Variants in ADGRL1 observed in about 807,000 individuals in gnomAD.
The protein encoded by ADGRL1 is CIRL-1.
In ADGRL1, 31 loss-of-function variants were observed where a neutral mutation model predicts 148.9. That is an observed-to-expected ratio of 0.21 (90% CI 0.16 to 0.28). The LOEUF (loss-of-function observed/expected upper bound fraction) is 0.28. Among genes scored for constraint, ADGRL1 ranks in the 10% least tolerant of loss-of-function variants. ADGRL1 has a pLI of 1.00. For missense variants in ADGRL1, 1,521 were observed against 2,058.8 expected, an observed-to-expected ratio of 0.74 and a Z score of 5.05; for synonymous variants, 937 against 900.3, an observed-to-expected ratio of 1.04 and a Z score of -0.73.
rs772573590 is a variant in ADGRL1, at chr19:14,161,675, C to A, written c.1196-49G>T. On this transcript the variant is annotated intron_variant, in intron 5 of 22. Transcript: ENST00000361434. This position sits in a 1 kb window ranked among gnomAD's most constrained non-coding sequence, Gnocchi z 4.4. ...GTCATCCCCATGCTCAGGGCCATGC[C>A]ACAGTGTGCTTGGGCAGGGGGTCCC... 7 of 1,279,822 alleles carry A rather than the reference C, an allele frequency of 5.5e-6. No individual in the cohort carries two copies. The South Asian group carries it at 8.6e-5, about 16-fold the overall frequency. The allele number at this position is 1,279,822 out of a possible 1,614,324, so 79.3% of individuals were successfully genotyped here. A position where few individuals can be genotyped will look rare whatever the true frequency, so the allele number is the denominator to read the frequency against.
In ADGRL1 at chr19:14,161,300, C is replaced by G. The variant is rs1969344553; in HGVS notation, c.1510+12G>C. On this transcript the variant is annotated intron_variant, in intron 6 of 22. Coordinates refer to ENST00000361434, the MANE Select transcript of ADGRL1 (RefSeq NM_014921.5). This position sits in a 1 kb window ranked among gnomAD's most constrained non-coding sequence, Gnocchi z 4.4. ...CCCCCATCCCTCCCCTGGCTGCAGC[C>G]TCTGTACTCACCTCGAGTCCCCTTG... The G allele has an allele frequency of 6.4e-7, 1 of 1,567,258 alleles. No individual in the cohort carries two copies. The highest frequency in any genetic ancestry group is 1.4e-5 in the African/African-American group (1 of 72,660).
intron 1 of ADGRL1, among the ~76,000 whole-genome samples, chr19:14,196,513 G>A (rs984749127): frequency 1.3e-5 from 2 of 152,138 alleles, no homozygotes; most frequent in South Asian, 2.1e-4. Context: ...CCAGCTCCTC[G>A]GGAGGCTTAG....
At position 14,206,159 on chromosome 19, in the gene ADGRL1, C is replaced by A. The variant is rs1972997430; in HGVS notation, c.-270G>T. On this transcript the variant is annotated 5_prime_UTR_variant, in exon 1 of 23. Transcript: ENST00000361434. ...TCCCCTGGCCCAGCACCGCCGCCGA[C>A]CAAAAATTAGGAAAAAAAAAAAAAA... 3 of 147,840 alleles carry A rather than the reference C, an allele frequency of 2.0e-5. No homozygotes were observed. The highest frequency in any genetic ancestry group is 4.5e-5 in the Non-Finnish European group (3 of 67,080). 9.2% of individuals were successfully genotyped at this position (147,840 alleles called of 1,614,324 possible). A position where few individuals can be genotyped will look rare whatever the true frequency, so the allele number is the denominator to read the frequency against.
At chr19:14,195,390 G>A (rs1048024195) in intron 1 of ADGRL1, among the ~76,000 whole-genome samples, 1 of 150,664 alleles carries the variant, frequency 6.6e-6, no homozygotes, top group East Asian at 2.0e-4. Context: ...GAGAGGGGGC[G>A]CCTCTAGCCT....
chr19:14,185,539 C>A (rs1971528851), intron 1 of ADGRL1, among the ~76,000 whole-genome samples: 1 of 152,132 alleles, frequency 6.6e-6, no homozygotes, highest in South Asian at 2.1e-4. Flanking sequence ...AATGATCCTC[C>A]CACCTCAGTC....
intron 4 of ADGRL1, among the ~76,000 whole-genome samples, chr19:14,167,916 G>A (rs907706041): frequency 3.3e-5 from 5 of 152,168 alleles, no homozygotes; most frequent in Admixed American, 6.5e-5. Context: ...CGCCCTGCCC[G>A]CTGCCCTGCG....
Position 14,170,760 on chromosome 19 carries a change from C to A in ADGRL1, c.316G>T (p.Ala106Ser). The change falls in exon 4 of 23, where the codon GCC (alanine) becomes TCC (serine). Residue 106 changes from alanine (A) to serine (S), a missense_variant. Ala to Ser is a moderately conservative substitution (Grantham distance 99). Around this residue, in one of 8 missense-constraint regions of ADGRL1, gnomAD observed 334 missense variants for 512.5 expected, o/e 0.65. Coordinates refer to ENST00000361434, the MANE Select transcript of ADGRL1 (RefSeq NM_014921.5). Reference sequence around the variant, plus strand: ...GGGTCAGGAAAGGCATCCGAGCCGGCGACCACCACGCACTGGGTGCGGTTG... The same window carrying A: ...GGGTCAGGAAAGGCATCCGAGCCGGAGACCACCACGCACTGGGTGCGGTTG... The part of the protein sequence containing the change: ...CNNRTQCVVV[A>S]GSDAFPDPCP... The A allele has an allele frequency of 1.2e-6, 2 of 1,610,882 alleles. No individual in the cohort carries two copies. The highest frequency in any genetic ancestry group is 1.7e-6 in the Non-Finnish European group (2 of 1,177,700).
Position 14,161,747 on chromosome 19 carries a change from CG to C in ADGRL1, c.1196-122del, listed in dbSNP as rs2144736788. 3 of 696,934 alleles carry C rather than the reference CG, an allele frequency of 4.3e-6. No individual in the cohort carries two copies. In the East Asian group the frequency reaches 1.0e-4, roughly 24 times the overall value. The allele number at this position is 696,934 out of a possible 1,614,324, so 43.2% of individuals were successfully genotyped here. On this transcript the variant is annotated intron_variant, in intron 5 of 22. Coordinates refer to ENST00000361434, the MANE Select transcript of ADGRL1 (RefSeq NM_014921.5). This position sits in a 1 kb window ranked among gnomAD's most constrained non-coding sequence, Gnocchi z 4.4. Reference sequence around the variant, plus strand: ...CATCTACTGAAGTGGAAACACGTGCCGGGCCCCACTGGGTCTATGAGTTGAT... The same window carrying C: ...CATCTACTGAAGTGGAAACACGTGCCGGCCCCACTGGGTCTATGAGTTGAT...
In ADGRL1 at chr19:14,152,275, T is replaced by C. The variant is rs534043165; in HGVS notation, c.3649+34A>G. The C allele has an allele frequency of 1.3e-5, 21 of 1,608,262 alleles. No individual in the cohort carries two copies. The South Asian group carries it at 2.3e-4, about 18-fold the overall frequency. On this transcript the variant is annotated intron_variant, in intron 21 of 22. Transcript: ENST00000361434. This position sits in a 1 kb window ranked among gnomAD's most constrained non-coding sequence, Gnocchi z 6.1. ...GTCCCTTGGGACACAAACCCTCCAT[T>C]TCCCAACCTGGGATGTTTCCCCCGT...
rs879340527 is a variant in ADGRL1 at position 14,204,744 on chromosome 19, GAC to G, written c.-96+1239_-96+1240del. On this transcript the variant is annotated intron_variant, in intron 1 of 22. Coordinates refer to ENST00000361434, the MANE Select transcript of ADGRL1 (RefSeq NM_014921.5). ...AGAGAGAGAGAGAGAGAGAGAGACA[GAC>G]AGAGAGAGAGAGAGCGCGCGAGCCA... is the stretch of plus-strand genomic sequence containing the variant. Among the ~76,000 whole-genome samples the G allele has an allele frequency of 5.4e-3, 812 of 149,998 alleles. 22 individuals carry two copies. The highest frequency in any genetic ancestry group is 0.041 in the Admixed American group (612 of 15,076).
rs1969392858 is a variant in ADGRL1, at chr19:14,161,641, C to CAGGGTCATCCCCATGGATG, written c.1196-16_1196-15insCATCCATGGGGATGACCCT. On this transcript the variant is annotated splice_polypyrimidine_tract_variant and intron_variant, in intron 5 of 22. Transcript: ENST00000361434. The surrounding 1 kb of genome is among the most constrained non-coding windows in gnomAD (Gnocchi z 4.4). The stretch of plus-strand genomic sequence containing the variant: ...AGTGGCTGGGCCTGGAGAGGGGATA[C>CAGGGTCATCCCCATGGATG]GAGACAGGGTCATCCCCATGCTCAG... 2.9e-6 allele frequency: 4 copies of CAGGGTCATCCCCATGGATG among 1,388,890 alleles called. No individual in the cohort carries two copies. Among genetic ancestry groups the CAGGGTCATCCCCATGGATG allele is most frequent in the Non-Finnish European group, 3.7e-6 (4 of 1,075,260 alleles). The allele number at this position is 1,388,890 out of a possible 1,614,324, so 86.0% of individuals were successfully genotyped here.
chr19:14,191,710 T>C (rs1290038527), intron 1 of ADGRL1, among the ~76,000 whole-genome samples: 1 of 151,922 alleles, frequency 6.6e-6, no homozygotes, highest in Non-Finnish European at 1.5e-5. Context: ...TTTTTTTTTT[T>C]TCTGAGACAA....
In ADGRL1 at chr19:14,183,651, G is replaced by C; in HGVS notation, c.-49C>G. On this transcript the variant is annotated 5_prime_UTR_variant, in exon 2 of 23. Coordinates refer to ENST00000361434, the MANE Select transcript of ADGRL1 (RefSeq NM_014921.5). ...GAGCTCTCAGTGGCCTGTGCGGGGG[G>C]CTTTGCCCCACATCACCTGGCAGGC... is the stretch of plus-strand genomic sequence containing the variant. 4 of 1,498,112 alleles carry C rather than the reference G, an allele frequency of 2.7e-6. No individual in the cohort carries two copies. Among genetic ancestry groups the C allele is most frequent in the East Asian group, 2.5e-5 (1 of 40,198 alleles). The allele number at this position is 1,498,112 out of a possible 1,614,324, so 92.8% of individuals were successfully genotyped here.
rs753291305 is a variant in ADGRL1 at position 14,159,066 on chromosome 19, C to G, written c.2149+24G>C. ...GTGGGGGTGGGGCTGCTTCCCCACC[C>G]GAGGCCCCGCCGGGGACACTGACCA... On this transcript the variant is annotated intron_variant, in intron 11 of 22. Coordinates refer to ENST00000361434, the MANE Select transcript of ADGRL1 (RefSeq NM_014921.5). This position sits in a 1 kb window ranked among gnomAD's most constrained non-coding sequence, Gnocchi z 6.0. The G allele has an allele frequency of 3.7e-6, 6 of 1,612,248 alleles. No homozygotes were observed. In the South Asian group the frequency reaches 5.5e-5, roughly 15 times the overall value.
chr19:14,175,675 TAC>T (rs768022440), intron 3 of ADGRL1, among the ~76,000 whole-genome samples: 1 of 151,906 alleles, frequency 6.6e-6, no homozygotes, highest in African/African-American at 2.4e-5. Flanking sequence ...CCTGTTCACA[TAC>T]ACTTAGACAC....
intron 4 of ADGRL1, chr19:14,164,593 A>G (rs1179763237): frequency 2.4e-5 from 3 of 125,314 alleles, no homozygotes; most frequent in African/African-American, 9.0e-5. Context: ...CAGGCCCCCC[A>G]CCTCCCCTGG....
chr19:14,196,231 G>A (rs185008302), intron 1 of ADGRL1, among the ~76,000 whole-genome samples: 40 of 152,358 alleles, frequency 2.6e-4, no homozygotes, highest in Middle Eastern at 6.8e-3. Context: ...GAGGGCGCGT[G>A]TGAGCATCTA....
Position 14,161,687 on chromosome 19 carries a change from G to C in ADGRL1, c.1196-61C>G. 8.3e-7 allele frequency: 1 copy of C among 1,209,664 alleles called. No homozygotes were observed. The highest frequency in any genetic ancestry group is 1.6e-5 in the African/African-American group (1 of 63,574). 74.9% of individuals were successfully genotyped at this position (1,209,664 alleles called of 1,614,324 possible). A position where few individuals can be genotyped will look rare whatever the true frequency, so the allele number is the denominator to read the frequency against. ...CTCAGGGCCATGCCACAGTGTGCTT[G>C]GGCAGGGGGTCCCAGGCCATCTTAG... On this transcript the variant is annotated intron_variant, in intron 5 of 22. Coordinates refer to ENST00000361434, the MANE Select transcript of ADGRL1 (RefSeq NM_014921.5). This position sits in a 1 kb window ranked among gnomAD's most constrained non-coding sequence, Gnocchi z 4.4.
intron 3 of ADGRL1, among the ~76,000 whole-genome samples, chr19:14,173,012 T>C (rs1367140569): frequency 1.3e-5 from 2 of 152,146 alleles, no homozygotes; most frequent in Non-Finnish European, 2.9e-5. Context: ...GAGGCTGGAG[T>C]GCAGTGGTAC....
Sources: gnomAD v4.1 joint callset for allele counts (sites outside exome capture counted in the v4.1 genomes callset) on GRCh38, gnomAD v4.1.1 for gene constraint, gnomAD v4.1.1 regional missense constraint, Gnocchi (gnomAD v3.1) non-coding constraint, MANE v1.5 for transcripts, NCBI Gene and HGNC (gene_info 2026-07-23, HGNC 2026-07-21) for gene names.